The following DMRTB1 variants were observed in gnomAD, a reference collection of about 807,000 sequenced individuals.
The protein encoded by DMRTB1 is DMRT like family B with proline rich C-terminal 1.
A neutral mutation model predicts 25.2 loss-of-function variants in DMRTB1; 9 were observed. The observed-to-expected ratio is 0.36, with a 90% CI of 0.22 to 0.62. The LOEUF is 0.62. Among genes scored for constraint, DMRTB1 ranks in the 20% least tolerant of loss-of-function variants. DMRTB1 has a pLI of 0.71. For synonymous variants in DMRTB1, 269 were observed against 238.1 expected, an observed-to-expected ratio of 1.13 and a Z score of -1.20; for missense variants, 551 against 499.3, an observed-to-expected ratio of 1.10 and a Z score of -0.99.
chr1:53,464,495 C>A, intron 2 of DMRTB1, 142 bp from the exon 3 acceptor site: 1 of 1,338,870 alleles, frequency 7.5e-7, no homozygotes, highest in Non-Finnish European at 1.1e-6. Flanking sequence ...ATGCCCCCTT[C>A]CAAATGCCCT....
chr1:53,461,794 C>A, intron 2 of DMRTB1, 149 bp downstream of exon 2: 1 of 982,096 alleles, frequency 1.0e-6, no homozygotes. Flanking sequence ...TAGGCACTGC[C>A]CAGGCACAGT....
chr1:53,459,919 A>G lies in DMRTB1; in HGVS notation c.466A>G (p.Ser156Gly). 6.4e-7 allele frequency: 1 copy of G among 1,554,824 alleles called. No homozygotes were observed. The highest frequency in any genetic ancestry group is 8.6e-7 in the Non-Finnish European group (1 of 1,160,122). ...PSERAAVAMP[S>G]LAGPPFGAEA... ...CGAGCGAGCCGCCGTGGCGATGCCC[A>G]GCCTTGCGGGACCCCCTTTTGGGGC... Residue 156 changes from serine to glycine, a missense_variant, in exon 1 of 4, where the codon AGC (serine) becomes GGC (glycine). Transcript: ENST00000371445.
chr1:53,466,257 G>T (rs942781589), intron 3 of DMRTB1, among the ~76,000 whole-genome samples: 3 of 152,226 alleles, frequency 2.0e-5, no homozygotes, highest in Non-Finnish European at 4.4e-5. Flanking sequence ...TGGGGAGGGT[G>T]AGGTGGGTGG....
intron 1 of DMRTB1, chr1:53,460,233 G>C: frequency 1.4e-6 from 1 of 714,036 alleles, no homozygotes. Context: ...GAAAGGAATG[G>C]GCGGTTCAGA....
chr1:53,460,923 A>T (rs996727739), intron 1 of DMRTB1, among the ~76,000 whole-genome samples: 1 of 152,246 alleles, frequency 6.6e-6, no homozygotes, highest in East Asian at 1.9e-4. Context: ...GTCCCCAGGG[A>T]ACGTCCCATC....
chr1:53,465,170 G>T (rs1644044473), intron 3 of DMRTB1, among the ~76,000 whole-genome samples: 1 of 152,162 alleles, frequency 6.6e-6, no homozygotes, highest in African/African-American at 2.4e-5. Context: ...ATTGGCTCGT[G>T]GGCGGTGCTG....
Position 53,466,615 on chromosome 1 carries a change from C to T in DMRTB1, c.982C>T (p.Leu328=). 6.2e-7 allele frequency: 1 copy of T among 1,614,244 alleles called. No individual in the cohort carries two copies. Among genetic ancestry groups the T allele is most frequent in the Non-Finnish European group, 8.5e-7 (1 of 1,180,040 alleles). ...ENTDDQDAEV[L]SGEPSQPSSQ... ...CACAGATGACCAGGATGCAGAGGTA[C>T]TGTCGGGTGAGCCCAGCCAGCCATC... Residue 328 remains leucine, a synonymous_variant, in exon 4 of 4, where the codon CTG becomes TTG. Coordinates refer to ENST00000371445, the MANE Select transcript of DMRTB1 (RefSeq NM_033067.3).
intron 2 of DMRTB1, 141 bp from the exon 3 acceptor site, chr1:53,464,496 C>A: frequency 7.4e-7 from 1 of 1,350,856 alleles, no homozygotes; most frequent in Non-Finnish European, 1.1e-6. Flanking sequence ...TGCCCCCTTC[C>A]AAATGCCCTG....
chr1:53,463,025 G>A (rs1569651027), intron 2 of DMRTB1, among the ~76,000 whole-genome samples: 2 of 152,338 alleles, frequency 1.3e-5, no homozygotes, highest in Non-Finnish European at 1.5e-5. Flanking sequence ...TTAAGAGTGT[G>A]ATCTCAGTCG....
chr1:53,465,828 T>C (rs1231559541), intron 3 of DMRTB1, among the ~76,000 whole-genome samples: 3 of 152,272 alleles, frequency 2.0e-5, no homozygotes, highest in African/African-American at 7.2e-5. Context: ...ATTTACTCTT[T>C]GGTGCTCCAG....
At position 53,459,840 on chromosome 1, in the gene DMRTB1, C is replaced by A. The variant is rs763281231; in HGVS notation, c.387C>A (p.Pro129=). The part of the protein sequence containing the change: ...FFEQPPRGRN[P]GPRALQPVLG... Reference sequence around the variant, plus strand: ...AGCAGCCCCCGCGGGGCCGGAACCCCGGCCCGAGAGCCCTCCAGCCGGTTC... The same window carrying A: ...AGCAGCCCCCGCGGGGCCGGAACCCAGGCCCGAGAGCCCTCCAGCCGGTTC... Residue 129 remains proline (P), a synonymous_variant, in exon 1 of 4, where the codon CCC becomes CCA. Coordinates refer to ENST00000371445, the MANE Select transcript of DMRTB1 (RefSeq NM_033067.3). 8.8e-4 allele frequency: 1,307 copies of A among 1,478,506 alleles called. 1 individual carries two copies. The highest frequency in any genetic ancestry group is 1.1e-3 in the Non-Finnish European group (1,246 of 1,123,274). The allele number at this position is 1,478,506 out of a possible 1,614,324, so 91.6% of individuals were successfully genotyped here.
Position 53,459,625 on chromosome 1 carries a change from A to C in DMRTB1, c.172A>C (p.Thr58Pro), listed in dbSNP as rs772007560. The C allele has an allele frequency of 4.8e-5, 75 of 1,570,742 alleles. No homozygotes were observed. The highest frequency in any genetic ancestry group is 6.4e-5 in the Non-Finnish European group (74 of 1,158,960). ...KIMAAQKVLK[T>P]QAAEEEQEAA... ...CATGGCCGCGCAGAAGGTGCTCAAGACGCAGGCCGCCGAGGAGGAGCAGGA... is the reference window on the plus strand; with the variant it reads ...CATGGCCGCGCAGAAGGTGCTCAAGCCGCAGGCCGCCGAGGAGGAGCAGGA... The change falls in exon 1 of 4, where the codon ACG becomes CCG. Residue 58 changes from threonine (T) to proline (P), a missense_variant. Transcript: ENST00000371445.
chr1:53,465,615 T>G (rs975785970), intron 3 of DMRTB1, among the ~76,000 whole-genome samples: 15 of 152,224 alleles, frequency 9.9e-5, no homozygotes, highest in African/African-American at 3.4e-4. Flanking sequence ...GACCATCTTA[T>G]GAGCTAGAGG....
At chr1:53,463,133 C>A (rs2100638432) in intron 2 of DMRTB1, among the ~76,000 whole-genome samples, 1 of 152,362 alleles carries the variant, frequency 6.6e-6, no homozygotes, top group East Asian at 1.9e-4. Flanking sequence ...CACTAATAAT[C>A]CCTCTTCCAC....
At position 53,461,573 on chromosome 1, in the gene DMRTB1, C is replaced by T. The variant is rs769317497; in HGVS notation, c.678C>T (p.Asp226=). 8.7e-6 allele frequency: 14 copies of T among 1,611,616 alleles called. No individual in the cohort carries two copies. The highest frequency in any genetic ancestry group is 4.4e-5 in the South Asian group (4 of 90,554). ...PYCPFPLGYL[D]APPGVPLQQG... is the part of the protein sequence containing the mutation. Reference sequence around the variant, plus strand: ...GCCCGTTCCCGCTGGGCTACCTGGACGCCCCTCCTGGCGTCCCCCTGCAGC... The same window carrying T: ...GCCCGTTCCCGCTGGGCTACCTGGATGCCCCTCCTGGCGTCCCCCTGCAGC... The change falls in exon 2 of 4, where the codon GAC becomes GAT. Residue 226 remains aspartate (D), a synonymous_variant. Transcript: ENST00000371445.
chr1:53,464,757 G>A lies in DMRTB1; in HGVS notation c.871G>A (p.Ala291Thr). 1 of 1,613,306 alleles carries A rather than the reference G, an allele frequency of 6.2e-7. No homozygotes were observed. The highest frequency in any genetic ancestry group is 8.5e-7 in the Non-Finnish European group (1 of 1,179,602). The change falls in exon 3 of 4, where the codon GCG becomes ACG. Residue 291 changes from alanine (A) to threonine (T), a missense_variant. Transcript: ENST00000371445. Reference protein sequence around the residue: ...PQFLPPGYLSALHFLPPPPPP... With the variant: ...PQFLPPGYLSTLHFLPPPPPP... ...GTTCCTCCCGCCAGGCTACCTCTCT[G>A]CGCTCCACTTCCTCCCCCCGCCACC...
At chr1:53,461,758 C>G in intron 2 of DMRTB1, 113 bp downstream of exon 2, 1 of 1,299,272 alleles carries the variant, frequency 7.7e-7, no homozygotes, top group Non-Finnish European at 1.0e-6. Context: ...CCACGCCATG[C>G]CAGCCCCCGA....
At chr1:53,465,606 A>T (rs528812807) in intron 3 of DMRTB1, among the ~76,000 whole-genome samples, 15 of 152,334 alleles carry the variant, frequency 9.8e-5, no homozygotes, top group Admixed American at 3.3e-4. Context: ...TGACTGTCAG[A>T]CCATCTTATG....
Position 53,459,839 on chromosome 1 carries a change from C to T in DMRTB1, c.386C>T (p.Pro129Leu), listed in dbSNP as rs1338552906. 6.8e-7 allele frequency: 1 copy of T among 1,478,304 alleles called. No homozygotes were observed. The highest frequency in any genetic ancestry group is 1.3e-5 in the South Asian group (1 of 78,848). 91.6% of individuals were successfully genotyped at this position (1,478,304 alleles called of 1,614,324 possible). A position where few individuals can be genotyped will look rare whatever the true frequency, so the allele number is the denominator to read the frequency against. The stretch of plus-strand genomic sequence containing the variant: ...GAGCAGCCCCCGCGGGGCCGGAACC[C>T]CGGCCCGAGAGCCCTCCAGCCGGTT... ...FFEQPPRGRN[P>L]GPRALQPVLG... Residue 129 changes from proline (P) to leucine (L), a missense_variant, in exon 1 of 4, where the codon CCC becomes CTC. By Grantham distance (98) the Pro-to-Leu change is moderately conservative (BLOSUM62 -3). Transcript: ENST00000371445.
Sources: allele counts gnomAD v4.1 joint callset (sites outside exome capture counted in the v4.1 genomes callset), GRCh38; gene constraint gnomAD v4.1.1; transcripts MANE v1.5; gene names NCBI Gene and HGNC (gene_info 2026-07-23, HGNC 2026-07-21).